Variants in DHX15 observed in about 807,000 individuals in gnomAD.
The protein encoded by DHX15 is DEAH-box helicase 15, also known as ATP-dependent RNA helicase DHX15.
DHX15 carries 11 observed loss-of-function variants against 94.4 expected under a neutral mutation model. That is an observed-to-expected ratio of 0.12 (90% CI 0.07 to 0.19). The LOEUF is 0.19. Ranked by LOEUF, DHX15 falls within the 10% of genes least tolerant of loss-of-function variation. DHX15 has a pLI of 1.00. For missense variants in DHX15, 304 were observed against 988.5 expected (o/e 0.31, Z 9.29); for synonymous variants, 338 against 329.9 (o/e 1.02, Z -0.27).
rs1298585607 is a variant in DHX15 at position 24,547,941 on chromosome 4, ATCTATATCTATATC to A, written c.1248+900_1248+913del. On this transcript the variant is annotated intron_variant, in intron 6 of 13. Transcript: ENST00000336812. Reference sequence around the variant, plus strand: ...TATATATATATATATATATATATATATCTATATCTATATCTATATCTATCTGCTGATGGGGACTA... The same window carrying A: ...TATATATATATATATATATATATATATATATCTATCTGCTGATGGGGACTA... 2.0e-3 allele frequency among the ~76,000 whole-genome samples: 67 copies of A among 33,012 alleles called. 1 individual carries two copies. Among genetic ancestry groups the A allele is most frequent in the African/African-American group, 8.0e-3 (58 of 7,238 alleles). The allele number at this position is 33,012 out of a possible 152,430, so 21.7% of individuals were successfully genotyped here.
chr4:24,535,896 T>C (rs998608110), intron 11 of DHX15, among the ~76,000 whole-genome samples: 2 of 152,072 alleles, frequency 1.3e-5, no homozygotes, highest in African/African-American at 4.8e-5. Flanking sequence ...ACATACAAAA[T>C]TGGAACGTCA....
intron 12 of DHX15, 41 bp from the exon 13 acceptor site, chr4:24,529,811 G>A (rs779737355): frequency 1.9e-6 from 3 of 1,600,608 alleles, no homozygotes; most frequent in Non-Finnish European, 2.6e-6. Context: ...CAATGCTTCT[G>A]ACTTGCTAGT....
At chr4:24,577,748 T>C (rs1368101737) in intron 1 of DHX15, among the ~76,000 whole-genome samples, 1 of 152,146 alleles carries the variant, frequency 6.6e-6, no homozygotes, top group African/African-American at 2.4e-5. Context: ...TCATATGCGT[T>C]GTGGCTGAAA....
rs1281040894 is a variant in DHX15, at chr4:24,578,315, TTAAG to T, written c.72-1641_72-1638del. Among the ~76,000 whole-genome samples, 6 of 152,316 alleles carry T rather than the reference TTAAG, an allele frequency of 3.9e-5. No homozygotes were observed. In the East Asian group the frequency reaches 5.8e-4, roughly 15 times the overall value. The stretch of plus-strand genomic sequence containing the variant: ...GCTTCTGGCCTAAGGTGACTGTTAA[TTAAG>T]TGTTTACATTGCTCCAAAATGCCAA... On this transcript the variant is annotated intron_variant, in intron 1 of 13. Coordinates refer to ENST00000336812, the MANE Select transcript of DHX15 (RefSeq NM_001358.3).
In DHX15 at chr4:24,574,554, A is replaced by C. The variant is rs533875544; in HGVS notation, c.507+1689T>G. 3.5e-4 allele frequency among the ~76,000 whole-genome samples: 53 copies of C among 152,330 alleles called. No homozygotes were observed. In the South Asian group the frequency reaches 0.01, roughly 30 times the overall value. ...CTGAAATGAGGCTACCCATAATCAG[A>C]CCACAGAATAGCAGTATGAAATATA... On this transcript the variant is annotated intron_variant, in intron 2 of 13. Transcript: ENST00000336812.
chr4:24,576,206 A>G, intron 2 of DHX15, 37 bp downstream of exon 2: 2 of 1,534,432 alleles, frequency 1.3e-6, no homozygotes, highest in Non-Finnish European at 1.8e-6. Flanking sequence ...AAACTTAAAC[A>G]TAAATGAAAT....
intron 13 of DHX15, among the ~76,000 whole-genome samples, chr4:24,529,353 T>C (rs1395294962): frequency 6.6e-6 from 1 of 152,204 alleles, no homozygotes; most frequent in Non-Finnish European, 1.5e-5. Flanking sequence ...AAGAAACTTT[T>C]CATGCTATTC....
chr4:24,570,832 C>T lies in DHX15; in HGVS notation c.523G>A (p.Val175Met). The T allele has an allele frequency of 6.2e-7, 1 of 1,614,132 alleles. No individual in the cohort carries two copies. Among genetic ancestry groups the T allele is most frequent in the Non-Finnish European group, 8.5e-7 (1 of 1,180,000 alleles). The change falls in exon 3 of 14, where the codon GTG becomes ATG. Residue 175 changes from valine to methionine, a missense_variant. Physicochemically the swap from Val to Met is conservative, Grantham distance 21. Transcript: ENST00000336812. ...GKTTQIPQWC[V>M]EYMRSLPGPK... is the part of the protein sequence containing the mutation. ...CCTGGTAATGATCGCATGTACTCCA[C>T]ACACCACTGTGGAATCTATCAAATA...
chr4:24,549,302 A>T (rs1721533467), intron 5 of DHX15, among the ~76,000 whole-genome samples: 1 of 152,216 alleles, frequency 6.6e-6, no homozygotes, highest in Non-Finnish European at 1.5e-5. Context: ...ATTCTCAACA[A>T]ATTGTACTAA....
intron 3 of DHX15, among the ~76,000 whole-genome samples, chr4:24,566,410 G>T: frequency 6.6e-6 from 1 of 152,140 alleles, no homozygotes; most frequent in East Asian, 1.9e-4. Flanking sequence ...TTATACAGTT[G>T]GTGCTTCAGT....
chr4:24,543,059 C>T (rs766884225), intron 6 of DHX15, 33 bp from the exon 7 acceptor site: 1 of 1,462,192 alleles, frequency 6.8e-7, no homozygotes, highest in Non-Finnish European at 9.5e-7. Context: ...AATTATATTA[C>T]ATATCAAATA....
chr4:24,557,883 T>C (rs935308788), intron 3 of DHX15, among the ~76,000 whole-genome samples: 3 of 152,024 alleles, frequency 2.0e-5, no homozygotes, highest in Non-Finnish European at 1.5e-5. Flanking sequence ...GCAATACTCT[T>C]GTACATGATC....
intron 2 of DHX15, among the ~76,000 whole-genome samples, chr4:24,574,230 T>TAAAAAAAAAAAAAAAA (rs1413770864): frequency 1.2e-4 from 10 of 81,860 alleles, no homozygotes; most frequent in Non-Finnish European, 1.9e-4. Context: ...AAAAAAAAAG[T>TAAAAAAAAAAAAAAAA]TAAAGTCATT....
Position 24,540,163 on chromosome 4 carries a change from T to C in DHX15, c.1731A>G (p.Ala577=), listed in dbSNP as rs1211453472. ...LDPQLAKMVI[A]SCDYNCSNEV... is the part of the protein sequence containing the mutation. ...CATTAGAACAGTTGTAGTCACAACT[T>C]GCAATAACCATTTTTGCGAGCTGTG... The change falls in exon 10 of 14, where the codon GCA becomes GCG. Residue 577 remains alanine, a synonymous_variant. Transcript: ENST00000336812. 10 of 1,612,934 alleles carry C rather than the reference T, an allele frequency of 6.2e-6. No homozygotes were observed. Among genetic ancestry groups the C allele is most frequent in the Non-Finnish European group, 8.5e-6 (10 of 1,179,364 alleles).
chr4:24,575,067 G>T (rs1722224821), intron 2 of DHX15, among the ~76,000 whole-genome samples: 1 of 151,728 alleles, frequency 6.6e-6, no homozygotes, highest in Admixed American at 6.6e-5. Context: ...TGAGGCAGGA[G>T]GATCGCTTCA....
rs564534264 is a variant in DHX15, at chr4:24,529,041, TGA to T, written c.2270+558_2270+559del. On this transcript the variant is annotated intron_variant, in intron 13 of 13. Coordinates refer to ENST00000336812, the MANE Select transcript of DHX15 (RefSeq NM_001358.3). ...AAAAACCCTTTTTTAAAAGTATGTC[TGA>T]GAGACAGGGTCTCACTGTCACCCAG... 4.6e-3 allele frequency among the ~76,000 whole-genome samples: 701 copies of T among 152,228 alleles called. 8 individuals carry two copies. The highest frequency in any genetic ancestry group is 0.016 in the African/African-American group (682 of 41,532).
chr4:24,562,653 C>T (rs1294190114), intron 3 of DHX15, among the ~76,000 whole-genome samples: 1 of 152,158 alleles, frequency 6.6e-6, no homozygotes, highest in Non-Finnish European at 1.5e-5. Context: ...CTCATAAATC[C>T]TTGGGATAGC....
rs1434354521 is a variant in DHX15, at chr4:24,562,147, AAAAAAAAAT to A, written c.702-5746_702-5738del. Reference sequence around the variant, plus strand: ...ACACTGTCTCAAAAAAAAAAAAAAAAAAAAAAAATCTGTACACCAAACTCCTACAACATG... The same window carrying A: ...ACACTGTCTCAAAAAAAAAAAAAAAACTGTACACCAAACTCCTACAACATG... On this transcript the variant is annotated intron_variant, in intron 3 of 13. Transcript: ENST00000336812. 2.0e-3 allele frequency among the ~76,000 whole-genome samples: 297 copies of A among 151,594 alleles called. 3 individuals are homozygous for A. Among genetic ancestry groups the A allele is most frequent in the African/African-American group, 7.0e-3 (288 of 41,342 alleles).
intron 3 of DHX15, among the ~76,000 whole-genome samples, chr4:24,562,370 A>G (rs536481553): frequency 6.6e-6 from 1 of 152,280 alleles, no homozygotes; most frequent in South Asian, 2.1e-4. Flanking sequence ...ACATGGAGCG[A>G]TGAGGAACAA....
Sources: allele counts gnomAD v4.1 joint callset (sites outside exome capture counted in the v4.1 genomes callset), GRCh38; gene constraint gnomAD v4.1.1; transcripts MANE v1.5; gene names NCBI Gene and HGNC (gene_info 2026-07-23, HGNC 2026-07-21).